Variants in LRP1B observed in about 807,000 individuals in gnomAD.
LRP1B encodes LDL receptor related protein 1B.
Under a neutral mutation model 556.6 loss-of-function variants are expected in LRP1B, and 217 were observed. The observed-to-expected ratio is 0.39, with a 90% confidence interval of 0.35 to 0.44. LRP1B has a LOEUF of 0.44. LRP1B is among the 20% of genes least tolerant of loss of function. The pLI, the probability that LRP1B is intolerant of heterozygous loss-of-function variation, is 1.00. For missense variants in LRP1B, 5,053 were observed against 5,620.8 expected (o/e 0.90, Z 3.23); for synonymous variants, 2,047 against 1,865.8 (o/e 1.10, Z -2.50).
chr2:142,020,702 TA>T (rs5834892), intron 1 of LRP1B, among the ~76,000 whole-genome samples: 2,951 of 152,140 alleles, frequency 0.019, 96 homozygotes, highest in African/African-American at 0.067. Flanking sequence ...ATAGAGTAAC[TA>T]AAAAAGACTA....
At chr2:141,216,404 G>A (rs368992828) in intron 6 of LRP1B, among the ~76,000 whole-genome samples, 4 of 152,358 alleles carry the variant, frequency 2.6e-5, no homozygotes, top group African/African-American at 9.6e-5. Context: ...GAAGCCTGAT[G>A]CAGAAGTGGA....
chr2:141,005,322 G>C lies in LRP1B; in HGVS notation c.2503+13C>G. The C allele has an allele frequency of 6.2e-7, 1 of 1,607,740 alleles. No individual in the cohort carries two copies. Among genetic ancestry groups the C allele is most frequent in the Non-Finnish European group, 8.5e-7 (1 of 1,176,022 alleles). Reference sequence around the variant, plus strand: ...CCCGATAAACAAATAAGGGTAACTTGAAAAGAACTTACATGTGCAAGTTGT... The same window carrying C: ...CCCGATAAACAAATAAGGGTAACTTCAAAAGAACTTACATGTGCAAGTTGT... On this transcript the variant is annotated intron_variant, in intron 15 of 90. Coordinates refer to ENST00000389484, the MANE Select transcript of LRP1B (RefSeq NM_018557.3).
At position 142,064,269 on chromosome 2, in the gene LRP1B, G is replaced by C. The variant is rs562138473; in HGVS notation, c.82+66379C>G. Among the ~76,000 whole-genome samples the C allele has an allele frequency of 3.6e-4, 55 of 151,474 alleles. 1 individual carries two copies. Among genetic ancestry groups the C allele is most frequent in the Middle Eastern group, 3.4e-3 (1 of 294 alleles). On this transcript the variant is annotated intron_variant, in intron 1 of 90. Transcript: ENST00000389484. Reference sequence around the variant, plus strand: ...GTTACATTGGACAATGATTAATATTGCAACTCTCCTGTTTACCACCCAACC... The same window carrying C: ...GTTACATTGGACAATGATTAATATTCCAACTCTCCTGTTTACCACCCAACC...
chr2:141,456,095 C>T (rs1374140827), intron 3 of LRP1B, among the ~76,000 whole-genome samples: 3 of 152,232 alleles, frequency 2.0e-5, no homozygotes, highest in African/African-American at 7.2e-5. Context: ...CTGGCCACTG[C>T]TGCATCCATG....
chr2:142,096,307 C>T (rs901471038), intron 1 of LRP1B, among the ~76,000 whole-genome samples: 2 of 151,614 alleles, frequency 1.3e-5, no homozygotes, highest in African/African-American at 4.8e-5. Context: ...TTCATTTTTA[C>T]AGATGAAGGC....
At chr2:140,283,112 C>T (rs187688547) in intron 84 of LRP1B, among the ~76,000 whole-genome samples, 1 of 151,798 alleles carries the variant, frequency 6.6e-6, no homozygotes, top group East Asian at 2.0e-4. Context: ...AGTTTTTCAT[C>T]TAGCATGGCT....
intron 3 of LRP1B, among the ~76,000 whole-genome samples, chr2:141,418,889 T>C (rs1680034917): frequency 6.6e-6 from 1 of 152,116 alleles, no homozygotes; most frequent in Admixed American, 6.5e-5. Flanking sequence ...TTTCCATTAT[T>C]TTTTAATTTT....
rs76379627 is a variant in LRP1B, at chr2:141,981,575, A to T, written c.82+149073T>A. Reference sequence around the variant, plus strand: ...TCGAGATTATAAGCAGGGGATTTAAATAAACTGATCTGTATTTTTCAAATA... The same window carrying T: ...TCGAGATTATAAGCAGGGGATTTAATTAAACTGATCTGTATTTTTCAAATA... On this transcript the variant is annotated intron_variant, in intron 1 of 90. Transcript: ENST00000389484. 2.8e-3 allele frequency among the ~76,000 whole-genome samples: 420 copies of T among 152,226 alleles called. 3 individuals are homozygous for T. Among genetic ancestry groups the T allele is most frequent in the African/African-American group, 9.7e-3 (403 of 41,542 alleles).
rs193920865 is a variant in LRP1B at position 140,444,437 on chromosome 2, C to T, written c.10187G>A (p.Cys3396Tyr). The change falls in exon 65 of 91, where the codon TGC becomes TAC. Residue 3396 changes from cysteine (C) to tyrosine (Y), a missense_variant. Around this residue, in one of 5 missense-constraint regions of LRP1B, gnomAD observed 262 missense variants for 395.1 expected, o/e 0.66. Transcript: ENST00000389484. ...SDELNCDTHV[C>Y]LSGQFKCTKN... is the part of the protein sequence containing the mutation. ...GGTACATTTGAATTGACCTGACAGG[C>T]AGACATGTGTGTCTAGAACATAGAA... 1.2e-6 allele frequency: 2 copies of T among 1,613,908 alleles called. No homozygotes were observed. The highest frequency in any genetic ancestry group is 1.7e-6 in the Non-Finnish European group (2 of 1,179,908).
intron 2 of LRP1B, among the ~76,000 whole-genome samples, chr2:141,677,509 A>G (rs1690930990): frequency 6.6e-6 from 1 of 151,728 alleles, no homozygotes; most frequent in Admixed American, 6.6e-5. Context: ...TTTTTTTTTG[A>G]GATGGAATTT....
chr2:141,097,291 C>A (rs960833187), intron 7 of LRP1B, among the ~76,000 whole-genome samples: 8 of 152,116 alleles, frequency 5.3e-5, no homozygotes, highest in African/African-American at 1.9e-4. Flanking sequence ...AAACAAAAAT[C>A]TCTGTGCACT....
At chr2:141,087,460 C>T (rs540603770) in intron 7 of LRP1B, among the ~76,000 whole-genome samples, 4 of 152,224 alleles carry the variant, frequency 2.6e-5, no homozygotes, top group African/African-American at 4.8e-5. Flanking sequence ...AGCATTTTTA[C>T]GCAGATGGGG....
chr2:141,535,157 C>G (rs1401734777), intron 2 of LRP1B, among the ~76,000 whole-genome samples: 2 of 152,144 alleles, frequency 1.3e-5, no homozygotes, highest in Admixed American at 6.6e-5. Context: ...TCCTTAGCGT[C>G]TGCTGGTAAC....
intron 35 of LRP1B, among the ~76,000 whole-genome samples, chr2:140,750,979 C>T (rs1218266666): frequency 2.2e-5 from 3 of 139,078 alleles, no homozygotes; most frequent in African/African-American, 7.9e-5. Context: ...ACAGTTATAA[C>T]TCTTTTTTTT....
Position 140,702,131 on chromosome 2 carries a change from A to G in LRP1B, c.6302+10T>C. 1 of 1,611,396 alleles carries G rather than the reference A, an allele frequency of 6.2e-7. No homozygotes were observed. The highest frequency in any genetic ancestry group is 8.5e-7 in the Non-Finnish European group (1 of 1,178,870). On this transcript the variant is annotated intron_variant, in intron 39 of 90. Coordinates refer to ENST00000389484, the MANE Select transcript of LRP1B (RefSeq NM_018557.3). The stretch of plus-strand genomic sequence containing the variant: ...TTTGAGACTCAAATACTTATGAAAA[A>G]ATAAATTACCTGTCAGACCAGTAGA...
chr2:140,269,944 T>C (rs1320426879), intron 86 of LRP1B, among the ~76,000 whole-genome samples: 1 of 151,974 alleles, frequency 6.6e-6, no homozygotes, highest in African/African-American at 2.4e-5. Context: ...GCTTCACATA[T>C]CAGAATCAGG....
At chr2:140,288,765 TTAAA>T (rs1683261331) in intron 84 of LRP1B, among the ~76,000 whole-genome samples, 1 of 151,858 alleles carries the variant, frequency 6.6e-6, no homozygotes, top group South Asian at 2.1e-4. Context: ...CAACAGATAT[TTAAA>T]TACAAATCCA....
chr2:142,098,753 TCTTAAA>T (rs746614354), intron 1 of LRP1B, among the ~76,000 whole-genome samples: 17 of 151,836 alleles, frequency 1.1e-4, no homozygotes, highest in Non-Finnish European at 1.6e-4. Context: ...GTAAATTCAA[TCTTAAA>T]CTTAAAGTTA....
chr2:140,575,951 A>AG (rs397760403), intron 43 of LRP1B, among the ~76,000 whole-genome samples: 2 of 151,842 alleles, frequency 1.3e-5, no homozygotes, highest in African/African-American at 4.8e-5. Flanking sequence ...ACAAAAAAAA[A>AG]GTATCAAAGA....
Sources: allele counts gnomAD v4.1 joint callset (sites outside exome capture counted in the v4.1 genomes callset), GRCh38; gene constraint gnomAD v4.1.1; regional missense constraint gnomAD v4.1.1; transcripts MANE v1.5; gene names NCBI Gene and HGNC (gene_info 2026-07-23, HGNC 2026-07-21).